DLGAP2: variants seen among roughly 807,000 people sequenced by gnomAD.
DLGAP2 encodes the protein DLG associated protein 2.
In DLGAP2, 26 loss-of-function variants were observed where a neutral mutation model predicts 100.3. The observed-to-expected ratio is 0.26, with a 90% confidence interval of 0.19 to 0.36. The LOEUF is 0.36. Ranked by LOEUF, DLGAP2 falls within the 10% of genes least tolerant of loss-of-function variation. The pLI, the probability that DLGAP2 is intolerant of heterozygous loss-of-function variation, is 1.00. For missense variants in DLGAP2, 1,858 were observed against 1,453.2 expected, an observed-to-expected ratio of 1.28 and a Z score of -4.53; for synonymous variants, 886 against 630.1, an observed-to-expected ratio of 1.41 and a Z score of -6.08.
chr8:1,510,819 C>T (rs1800136679), intron 4 of DLGAP2, among the ~76,000 whole-genome samples: 1 of 152,166 alleles, frequency 6.6e-6, no homozygotes, highest in African/African-American at 2.4e-5. Flanking sequence ...GAGGTCCACT[C>T]AACAAATAAA....
chr8:1,525,659 C>A (rs1159552579), intron 4 of DLGAP2, among the ~76,000 whole-genome samples: 4 of 152,256 alleles, frequency 2.6e-5, no homozygotes, highest in Non-Finnish European at 5.9e-5. Flanking sequence ...GATTCTAATG[C>A]TGGGAGGTTC....
In DLGAP2 at chr8:1,447,269, C is replaced by A. The variant is rs188586331; in HGVS notation, c.107-54097C>A. ...CTTATTATTTTGGGATACATCCCAT[C>A]TAATTTATTGAGAGTTTTTAGCATG... On this transcript the variant is annotated intron_variant, in intron 3 of 14. Coordinates refer to ENST00000637795, the MANE Select transcript of DLGAP2 (RefSeq NM_001346810.2). 1.8e-3 allele frequency among the ~76,000 whole-genome samples: 274 copies of A among 152,260 alleles called. 1 individual carries two copies. The highest frequency in any genetic ancestry group is 3.4e-3 in the Non-Finnish European group (228 of 68,018).
chr8:1,414,301 T>C (rs929350737), intron 3 of DLGAP2, among the ~76,000 whole-genome samples: 1 of 152,186 alleles, frequency 6.6e-6, no homozygotes, highest in African/African-American at 2.4e-5. Flanking sequence ...GAGGGTGTGT[T>C]TCACAGTTGT....
chr8:1,306,362 C>A (rs1800491302), intron 3 of DLGAP2, among the ~76,000 whole-genome samples: 1 of 151,918 alleles, frequency 6.6e-6, no homozygotes, highest in Non-Finnish European at 1.5e-5. Flanking sequence ...ACCCAAAATT[C>A]TTAGAAATAA....
chr8:1,323,993 C>A (rs1197073978), intron 3 of DLGAP2, among the ~76,000 whole-genome samples: 2 of 152,202 alleles, frequency 1.3e-5, no homozygotes, highest in Admixed American at 1.3e-4. Context: ...AAAGAAGTTG[C>A]TGTTTCTTTA....
intron 1 of DLGAP2, among the ~76,000 whole-genome samples, chr8:839,152 T>C (rs184267456): frequency 4.4e-4 from 67 of 152,056 alleles, no homozygotes; most frequent in Non-Finnish European, 6.9e-4. Context: ...TAAATTAGAG[T>C]AGCAATTATG....
intron 2 of DLGAP2, among the ~76,000 whole-genome samples, chr8:1,218,992 C>A (rs182388986): frequency 6.6e-6 from 1 of 152,126 alleles, no homozygotes; most frequent in Non-Finnish European, 1.5e-5. Flanking sequence ...TGAGACTTTA[C>A]TGAAGTTTAT....
At chr8:1,607,927 TGA>T (rs1796861269) in intron 6 of DLGAP2, among the ~76,000 whole-genome samples, 1 of 145,644 alleles carries the variant, frequency 6.9e-6, no homozygotes, top group Non-Finnish European at 1.5e-5. Flanking sequence ...CACAGCAGTC[TGA>T]GATCAAACTG....
chr8:829,471 A>G (rs536140009), intron 1 of DLGAP2, among the ~76,000 whole-genome samples: 17 of 152,360 alleles, frequency 1.1e-4, no homozygotes, highest in African/African-American at 3.1e-4. Flanking sequence ...TAAGTAAAGA[A>G]TTCTAAGTTT....
At chr8:968,943 A>G (rs570052456) in intron 2 of DLGAP2, among the ~76,000 whole-genome samples, 1 of 152,324 alleles carries the variant, frequency 6.6e-6, no homozygotes, top group East Asian at 1.9e-4. Context: ...TGTTTCACCT[A>G]AAGTCACAGT....
intron 2 of DLGAP2, among the ~76,000 whole-genome samples, chr8:936,676 G>A (rs1410373647): frequency 6.6e-6 from 1 of 152,188 alleles, no homozygotes; most frequent in Non-Finnish European, 1.5e-5. Context: ...TGCAAGCTGA[G>A]TGCAAGGTCC....
At chr8:957,396 G>A (rs990576930) in intron 2 of DLGAP2, among the ~76,000 whole-genome samples, 3 of 152,194 alleles carry the variant, frequency 2.0e-5, no homozygotes, top group Admixed American at 1.3e-4. Context: ...AAAACGCAGG[G>A]CTGCTGTGTC....
chr8:1,431,022 C>A (rs1439118723), intron 3 of DLGAP2, among the ~76,000 whole-genome samples: 1 of 152,062 alleles, frequency 6.6e-6, no homozygotes, highest in African/African-American at 2.4e-5. Context: ...GCCCCTCTTA[C>A]GGAAAGGAAC....
At chr8:1,646,549 C>G (rs1195639037) in intron 8 of DLGAP2, among the ~76,000 whole-genome samples, 2 of 152,170 alleles carry the variant, frequency 1.3e-5, no homozygotes, top group Non-Finnish European at 1.5e-5. Context: ...TTAAAATGAT[C>G]AGAGAATTTA....
intron 2 of DLGAP2, among the ~76,000 whole-genome samples, chr8:1,043,244 G>A (rs1802418884): frequency 8.4e-6 from 1 of 118,844 alleles, no homozygotes; most frequent in Admixed American, 8.0e-5. Context: ...TGGTGGGTGT[G>A]GGTGGTGGGT....
intron 2 of DLGAP2, among the ~76,000 whole-genome samples, chr8:1,109,368 A>G (rs1471677344): frequency 3.5e-4 from 2 of 5,790 alleles, no homozygotes; most frequent in Admixed American, 2.0e-3. Flanking sequence ...AGTGTGCTGG[A>G]TCTGTGAGGT....
intron 6 of DLGAP2, chr8:1,622,122 A>G (rs1265664672): frequency 6.6e-6 from 1 of 152,264 alleles, no homozygotes; most frequent in Non-Finnish European, 1.5e-5. Flanking sequence ...ATGTGCACGC[A>G]CAGCACACGC....
intron 1 of DLGAP2, among the ~76,000 whole-genome samples, chr8:896,592 G>A (rs1038840188): frequency 5.3e-5 from 8 of 152,124 alleles, no homozygotes; most frequent in Non-Finnish European, 7.4e-5. Flanking sequence ...GGGCGATGAC[G>A]GCGAGGTGTA....
At chr8:1,380,638 T>C (rs1762541900) in intron 3 of DLGAP2, among the ~76,000 whole-genome samples, 1 of 152,148 alleles carries the variant, frequency 6.6e-6, no homozygotes, top group African/African-American at 2.4e-5. Context: ...TCCAAATTGC[T>C]TCTGAAATTA....
Sources: allele counts gnomAD v4.1 joint callset (sites outside exome capture counted in the v4.1 genomes callset), GRCh38; gene constraint gnomAD v4.1.1; transcripts MANE v1.5; gene names NCBI Gene and HGNC (gene_info 2026-07-23, HGNC 2026-07-21).